The following MACROD2 variants were observed in gnomAD, a reference collection of about 807,000 sequenced individuals.
MACROD2 encodes the protein ADP-ribose glycohydrolase MACROD2.
MACROD2 carries 36 observed loss-of-function variants against 70.4 expected under a neutral mutation model. The ratio of observed to expected loss-of-function variants is 0.51; its 90% CI spans 0.39 to 0.68. The LOEUF (loss-of-function observed/expected upper bound fraction) is 0.68. MACROD2 is among the 30% of genes least tolerant of loss of function. The pLI is 0.00. For missense variants in MACROD2, 496 were observed against 538.4 expected (o/e 0.92, Z 0.78); for synonymous variants, 172 against 178.8 (o/e 0.96, Z 0.30).
At chr20:14,198,193 A>G (rs1394577048) in intron 3 of MACROD2, among the ~76,000 whole-genome samples, 2 of 151,932 alleles carry the variant, frequency 1.3e-5, no homozygotes, top group African/African-American at 4.8e-5. Flanking sequence ...AGAGAGAGAG[A>G]GGGAGAGGAA....
intron 5 of MACROD2, among the ~76,000 whole-genome samples, chr20:14,862,326 TA>T (rs1250441298): frequency 6.2e-5 from 2 of 32,116 alleles, no homozygotes; most frequent in African/African-American, 2.4e-4. Flanking sequence ...AATATATATA[TA>T]AAAATATATA....
intron 5 of MACROD2, among the ~76,000 whole-genome samples, chr20:15,084,541 T>C (rs1243644862): frequency 6.6e-6 from 1 of 152,172 alleles, no homozygotes; most frequent in East Asian, 1.9e-4. Flanking sequence ...GTTATCACAG[T>C]AAAAGCTAAT....
At chr20:14,933,741 A>T (rs1330850118) in intron 5 of MACROD2, 3 of 152,218 alleles carry the variant, frequency 2.0e-5, no homozygotes, top group Non-Finnish European at 4.4e-5. Flanking sequence ...GACTAAAATT[A>T]ATATCTGCAG....
At chr20:15,781,457 A>G (rs978860238) in intron 8 of MACROD2, among the ~76,000 whole-genome samples, 2 of 112,294 alleles carry the variant, frequency 1.8e-5, no homozygotes, top group Non-Finnish European at 3.6e-5. Flanking sequence ...TATTTCTTAT[A>G]GTTCTGAGGC....
chr20:14,572,504 A>G (rs1188189960), intron 4 of MACROD2, among the ~76,000 whole-genome samples: 1 of 152,170 alleles, frequency 6.6e-6, no homozygotes, highest in Admixed American at 6.6e-5. Context: ...CAAGTACTCT[A>G]ATCTCAACCA....
chr20:15,845,191 G>A lies in MACROD2; in HGVS notation c.646-17554G>A, dbSNP rs572710388. Among the ~76,000 whole-genome samples, 11 of 152,212 alleles carry A rather than the reference G, an allele frequency of 7.2e-5. No individual in the cohort carries two copies. In the East Asian group the frequency reaches 1.4e-3, roughly 19 times the overall value. On this transcript the variant is annotated intron_variant, in intron 8 of 17. Transcript: ENST00000684519. ...ATATAATTAGTAAAGTTGAGGTCAC[G>A]CTGGATTAAGGTAGATCCTAATTCC... is the stretch of plus-strand genomic sequence containing the variant.
At chr20:15,675,685 T>TA (rs1362251622) in intron 8 of MACROD2, among the ~76,000 whole-genome samples, 1 of 152,074 alleles carries the variant, frequency 6.6e-6, no homozygotes, top group Non-Finnish European at 1.5e-5. Context: ...GGCACTTTAT[T>TA]AAAAAAAGAG....
At chr20:15,986,926 C>T in intron 14 of MACROD2, 125 bp downstream of exon 14, 2 of 1,004,586 alleles carry the variant, frequency 2.0e-6, no homozygotes, top group Admixed American at 4.2e-5. Flanking sequence ...TGGAGGATAG[C>T]AATAGTGTTC....
At chr20:15,920,140 TAGAA>T (rs1345490837) in intron 10 of MACROD2, among the ~76,000 whole-genome samples, 1 of 152,170 alleles carries the variant, frequency 6.6e-6, no homozygotes, top group Non-Finnish European at 1.5e-5. Context: ...ACAGCTTGAT[TAGAA>T]AGAAACCATG....
Position 14,836,660 on chromosome 20 carries a change from A to G in MACROD2, c.418+151701A>G, listed in dbSNP as rs554961382. On this transcript the variant is annotated intron_variant, in intron 5 of 17. Coordinates refer to ENST00000684519, the MANE Select transcript of MACROD2 (RefSeq NM_001351661.2). ...AATCAAATTCTGGAAGATGGAAATG[A>G]CTAGATAAATCCTTCCCCTTGCTCC... Among the ~76,000 whole-genome samples, 38 of 152,196 alleles carry G rather than the reference A, an allele frequency of 2.5e-4. No individual in the cohort carries two copies. The South Asian group carries it at 7.9e-3, about 32-fold the overall frequency.
chr20:15,939,437 C>A (rs2065717382), intron 12 of MACROD2, among the ~76,000 whole-genome samples: 1 of 152,052 alleles, frequency 6.6e-6, no homozygotes, highest in African/African-American at 2.4e-5. Flanking sequence ...GTAAATGGCA[C>A]AACAAAGTCT....
intron 6 of MACROD2, among the ~76,000 whole-genome samples, chr20:15,369,389 A>G (rs1203467144): frequency 1.3e-5 from 2 of 152,200 alleles, no homozygotes; most frequent in African/African-American, 2.4e-5. Context: ...AATAATAATG[A>G]TCAAGCTTTG....
At chr20:15,973,073 T>A (rs1286463641) in intron 13 of MACROD2, among the ~76,000 whole-genome samples, 1 of 152,068 alleles carries the variant, frequency 6.6e-6, no homozygotes, top group Non-Finnish European at 1.5e-5. Context: ...GATTAAACTT[T>A]GGTGATTGGA....
Position 16,052,960 on chromosome 20 carries a change from CA to C in MACROD2, c.*3087del, listed in dbSNP as rs1165141855. The C allele has an allele frequency of 6.6e-6, 1 of 152,222 alleles. No homozygotes were observed. The highest frequency in any genetic ancestry group is 2.4e-5 in the African/African-American group (1 of 41,232). 9.4% of individuals were successfully genotyped at this position (152,222 alleles called of 1,614,324 possible). ...GATCAAGATATGTTTTTACTTAATGCAAATAAATGTAGTCTGTTGCTTGCAA... is the reference window on the plus strand; with the variant it reads ...GATCAAGATATGTTTTTACTTAATGCAATAAATGTAGTCTGTTGCTTGCAA... On this transcript the variant is annotated 3_prime_UTR_variant, in exon 18 of 18. Transcript: ENST00000684519.
intron 3 of MACROD2, among the ~76,000 whole-genome samples, chr20:14,087,396 CAA>C (rs113481382): frequency 2.8e-4 from 35 of 125,776 alleles, no homozygotes; most frequent in Admixed American, 4.0e-4. Context: ...GACCATGTCT[CAA>C]AAAAAAAAAA....
At chr20:14,606,858 A>C (rs41505653) in intron 4 of MACROD2, among the ~76,000 whole-genome samples, 28,408 of 152,052 alleles carry the variant, frequency 0.19, 3,167 homozygotes, top group East Asian at 0.35. Flanking sequence ...TCAAGTGCCA[A>C]TTTATTAACT....
chr20:15,390,266 G>GTCAATGTCAGCTTA (rs1294646817), intron 6 of MACROD2, among the ~76,000 whole-genome samples: 1 of 152,064 alleles, frequency 6.6e-6, no homozygotes, highest in East Asian at 1.9e-4. Flanking sequence ...AAGGTCCCAG[G>GTCAATGTCAGCTTA]TCAATGTCAG....
chr20:14,044,551 G>A (rs764941390), intron 2 of MACROD2, among the ~76,000 whole-genome samples: 3 of 152,068 alleles, frequency 2.0e-5, no homozygotes, highest in Non-Finnish European at 4.4e-5. Context: ...TGATTGGTCC[G>A]TTTTGACAGG....
chr20:14,806,174 A>G (rs1384918335), intron 5 of MACROD2, among the ~76,000 whole-genome samples: 1 of 152,150 alleles, frequency 6.6e-6, no homozygotes, highest in East Asian at 1.9e-4. Flanking sequence ...AGAGGGCCGA[A>G]TAGGATCAGC....
Sources: allele counts gnomAD v4.1 joint callset (sites outside exome capture counted in the v4.1 genomes callset), GRCh38; gene constraint gnomAD v4.1.1; transcripts MANE v1.5; gene names NCBI Gene and HGNC (gene_info 2026-07-23, HGNC 2026-07-21).